Variants in RPF2 observed in about 807,000 individuals in gnomAD.
RPF2 encodes brix domain containing 1.
RPF2 carries 21 observed loss-of-function variants against 38.9 expected under a neutral mutation model. The observed-to-expected ratio is 0.54, with a 90% CI of 0.38 to 0.78. The LOEUF (loss-of-function observed/expected upper bound fraction) is 0.78, where lower values mean the gene tolerates loss of function less well. Ranked by LOEUF, RPF2 falls within the 30% of genes least tolerant of loss-of-function variation. The pLI, the probability that RPF2 is intolerant of heterozygous loss-of-function variation, is 0.00. For synonymous variants in RPF2, 121 were observed against 126.2 expected, an observed-to-expected ratio of 0.96 and a Z score of 0.28; for missense variants, 314 against 358.1, an observed-to-expected ratio of 0.88 and a Z score of 0.99.
chr6:110,992,194 C>T (rs1480916392), intron 4 of RPF2, among the ~76,000 whole-genome samples: 2 of 151,998 alleles, frequency 1.3e-5, no homozygotes, highest in African/African-American at 4.8e-5. Context: ...CCTGTAATCC[C>T]AGCTACTAAG....
chr6:110,998,944 CAAAAAAA>C (rs34900246), intron 5 of RPF2, among the ~76,000 whole-genome samples: 3 of 86,172 alleles, frequency 3.5e-5, no homozygotes, highest in African/African-American at 1.2e-4. Flanking sequence ...GTCTTCATCT[CAAAAAAA>C]AAAAAAAAAA....
chr6:111,021,314 A>G (rs1772231209), intron 8 of RPF2, among the ~76,000 whole-genome samples: 1 of 152,212 alleles, frequency 6.6e-6, no homozygotes, highest in African/African-American at 2.4e-5. Context: ...AAAATCAGAG[A>G]CCCTAGTATG....
In RPF2 at chr6:111,025,502, A is replaced by G; in HGVS notation, c.841A>G (p.Met281Val). 4 of 1,613,954 alleles carry G rather than the reference A, an allele frequency of 2.5e-6. No homozygotes were observed. Among genetic ancestry groups the G allele is most frequent in the Non-Finnish European group, 3.4e-6 (4 of 1,179,918 alleles). ...CCTAAGCAAACTACAAACCAGGAAA[A>G]TGAAGGGGTTGAAGAAGCGACCTGC... ...QDLSKLQTRK[M>V]KGLKKRPAER... Residue 281 changes from methionine (M) to valine (V), a missense_variant, in exon 10 of 10, where the codon ATG (methionine) becomes GTG (valine). Physicochemically the swap from Met to Val is conservative, Grantham distance 21. Coordinates refer to ENST00000441448, the MANE Select transcript of RPF2 (RefSeq NM_032194.3).
chr6:111,007,615 T>C (rs1377311369), intron 6 of RPF2, among the ~76,000 whole-genome samples: 1 of 152,116 alleles, frequency 6.6e-6, no homozygotes, highest in Non-Finnish European at 1.5e-5. Context: ...GTTAATAAAA[T>C]GTGAAAATAA....
At chr6:110,988,886 T>C in intron 2 of RPF2, 142 bp from the exon 3 acceptor site, 2 of 1,050,154 alleles carry the variant, frequency 1.9e-6, no homozygotes, top group Non-Finnish European at 1.3e-6. Context: ...CTGTAAGTGA[T>C]GAAAAGGGAG....
At chr6:110,990,963 G>A (rs1349521045) in intron 3 of RPF2, among the ~76,000 whole-genome samples, 1 of 152,026 alleles carries the variant, frequency 6.6e-6, no homozygotes, top group Non-Finnish European at 1.5e-5. Context: ...AAATTATCTG[G>A]GTTCATCTTG....
chr6:110,984,849 C>CA (rs1554246924), intron 1 of RPF2, among the ~76,000 whole-genome samples, 157 bp from the exon 2 acceptor site: 24 of 146,980 alleles, frequency 1.6e-4, no homozygotes, highest in South Asian at 1.3e-3. Context: ...CAAAAACAAA[C>CA]AAAAAAAAAC....
In RPF2 at chr6:110,997,125, G is replaced by T. The variant is rs1028320031; in HGVS notation, c.235-58G>T. ...CTGAAGGTAAGATTTTTAAAGGTAAGATTCTTAAAGTTCTTAAATTTATGC... is the reference window on the plus strand; with the variant it reads ...CTGAAGGTAAGATTTTTAAAGGTAATATTCTTAAAGTTCTTAAATTTATGC... On this transcript the variant is annotated intron_variant, in intron 4 of 9. Transcript: ENST00000441448. 4 of 1,117,808 alleles carry T rather than the reference G, an allele frequency of 3.6e-6. No homozygotes were observed. The African/African-American group carries it at 6.2e-5, about 17-fold the overall frequency. The allele number at this position is 1,117,808 out of a possible 1,614,324, so 69.2% of individuals were successfully genotyped here. A position where few individuals can be genotyped will look rare whatever the true frequency, so the allele number is the denominator to read the frequency against.
At chr6:111,006,104 C>A (rs1771903005) in intron 6 of RPF2, among the ~76,000 whole-genome samples, 1 of 151,728 alleles carries the variant, frequency 6.6e-6, no homozygotes, top group African/African-American at 2.4e-5. Flanking sequence ...CCGTGCCCAG[C>A]CTGTTTTGTA....
intron 5 of RPF2, among the ~76,000 whole-genome samples, chr6:110,999,275 G>C (rs2114313197): frequency 6.6e-6 from 1 of 151,938 alleles, no homozygotes; most frequent in South Asian, 2.1e-4. Flanking sequence ...CTAAGTTGTA[G>C]ATATTTTTTT....
chr6:111,003,341 A>T (rs1348188259), intron 6 of RPF2, among the ~76,000 whole-genome samples: 1 of 151,866 alleles, frequency 6.6e-6, no homozygotes, highest in East Asian at 1.9e-4. Context: ...CCCAGGCTGG[A>T]GTGCAGTGGC....
chr6:111,017,432 T>TG (rs955115417), intron 8 of RPF2, among the ~76,000 whole-genome samples: 13 of 125,866 alleles, frequency 1.0e-4, no homozygotes, highest in Admixed American at 1.6e-4. Context: ...GGCTGCCGGA[T>TG]GGGGGGGCTC....
rs573870778 is a variant in RPF2 at position 110,985,106 on chromosome 6, A to C, written c.124A>C (p.Asn42His). ...NAMLIKGGNA[N>H]ATVTKVLKDV... ...CATGCTGATTAAAGGGGGAAATGCA[A>C]ATGCAACAGTGACAAAAGTACTTAA... The change falls in exon 2 of 10, where the codon AAT becomes CAT. Residue 42 changes from asparagine to histidine, a missense_variant. By Grantham distance (68) the Asn-to-His change is moderately conservative. Transcript: ENST00000441448. The C allele has an allele frequency of 6.2e-6, 10 of 1,613,716 alleles. No individual in the cohort carries two copies. The East Asian group carries it at 2.0e-4, about 32-fold the overall frequency.
intron 7 of RPF2, among the ~76,000 whole-genome samples, chr6:111,010,887 G>C (rs1352099240): frequency 6.6e-6 from 1 of 151,830 alleles, no homozygotes; most frequent in Non-Finnish European, 1.5e-5. Context: ...CCCATTCTTG[G>C]GATTATAATT....
intron 2 of RPF2, among the ~76,000 whole-genome samples, chr6:110,987,015 C>G (rs985638681): frequency 6.6e-6 from 1 of 151,314 alleles, no homozygotes; most frequent in African/African-American, 2.4e-5. Flanking sequence ...ACTAATTAGG[C>G]CTTGAGTACA....
At chr6:110,984,290 T>C (rs1378158862) in intron 1 of RPF2, among the ~76,000 whole-genome samples, 2 of 152,116 alleles carry the variant, frequency 1.3e-5, no homozygotes, top group African/African-American at 4.8e-5. Context: ...CAGTTGATGC[T>C]CAATTCTTTG....
chr6:110,997,363 C>T, intron 5 of RPF2, 99 bp downstream of exon 5: 1 of 696,408 alleles, frequency 1.4e-6, no homozygotes, highest in South Asian at 1.6e-5. Context: ...CTTGCCTCTT[C>T]AGAGGAAATA....
At chr6:111,005,698 C>T (rs908347347) in intron 6 of RPF2, among the ~76,000 whole-genome samples, 6 of 152,066 alleles carry the variant, frequency 3.9e-5, no homozygotes, top group Admixed American at 2.6e-4. Context: ...GGCAAGAGCA[C>T]GGCTCATGGC....
chr6:110,989,238 G>A (rs1407683997), intron 3 of RPF2, among the ~76,000 whole-genome samples, 173 bp downstream of exon 3: 2 of 151,914 alleles, frequency 1.3e-5, no homozygotes, highest in Admixed American at 6.6e-5. Flanking sequence ...TGTATTGAAT[G>A]TCCTTGCATA....
Sources: allele counts gnomAD v4.1 joint callset (sites outside exome capture counted in the v4.1 genomes callset), GRCh38; gene constraint gnomAD v4.1.1; transcripts MANE v1.5; gene names NCBI Gene and HGNC (gene_info 2026-07-23, HGNC 2026-07-21).